The following POLN variants were observed in gnomAD, a reference collection of about 807,000 sequenced individuals.
POLN encodes the protein DNA polymerase N.
In POLN, 108 loss-of-function variants were observed where a neutral mutation model predicts 113.5. The observed-to-expected ratio is 0.95, with a 90% CI of 0.81 to 1.12. POLN has a LOEUF of 1.12. POLN is among the 50% of genes most tolerant of loss of function. The probability of loss-of-function intolerance (pLI) is 0.00; values close to 1 mark genes in which losing one functional copy is unlikely to be tolerated. For missense variants in POLN, 1,097 were observed against 1,077.1 expected (o/e 1.02, Z -0.26); for synonymous variants, 386 against 391.5 (o/e 0.99, Z 0.17).
chr4:2,125,918 G>GTGGAGAGCT (rs1329156725), intron 19 of POLN, among the ~76,000 whole-genome samples: 1 of 152,192 alleles, frequency 6.6e-6, no homozygotes, highest in Non-Finnish European at 1.5e-5. Flanking sequence ...GCATTGAGAG[G>GTGGAGAGCT]TGGAGAGCTT....
chr4:2,090,051 A>G, intron 20 of POLN: 3 of 896,266 alleles, frequency 3.3e-6, no homozygotes, highest in Middle Eastern at 2.9e-4. Flanking sequence ...AAGAATTATG[A>G]GATAATCCAT....
intron 2 of POLN, among the ~76,000 whole-genome samples, chr4:2,237,412 G>A (rs1734805441): frequency 6.6e-6 from 1 of 151,472 alleles, no homozygotes; most frequent in Non-Finnish European, 1.5e-5. Flanking sequence ...CTCCTACCTA[G>A]GCAAGAGAGT....
chr4:2,092,052 G>A (rs1337091429), intron 20 of POLN, among the ~76,000 whole-genome samples: 1 of 152,162 alleles, frequency 6.6e-6, no homozygotes, highest in Non-Finnish European at 1.5e-5. Flanking sequence ...GCCAGCTCCT[G>A]GACTCTCCCA....
intron 16 of POLN, among the ~76,000 whole-genome samples, chr4:2,144,106 C>A (rs1732072661): frequency 6.8e-6 from 1 of 146,374 alleles, no homozygotes; most frequent in Admixed American, 6.8e-5. Context: ...TAAAAAGGGT[C>A]TTCTATAAAA....
intron 19 of POLN, among the ~76,000 whole-genome samples, chr4:2,112,828 C>T (rs1330986129): frequency 2.0e-5 from 3 of 152,074 alleles, no homozygotes; most frequent in Admixed American, 6.6e-5. Context: ...GTCAGTGTGG[C>T]GATTCCTCAG....
At chr4:2,151,450 T>G (rs1732293716) in intron 16 of POLN, among the ~76,000 whole-genome samples, 1 of 152,236 alleles carries the variant, frequency 6.6e-6, no homozygotes, top group Non-Finnish European at 1.5e-5. Context: ...ACTAGCTACT[T>G]GACTCTTTGG....
At chr4:2,089,097 G>T in intron 20 of POLN, 1 of 968,630 alleles carries the variant, frequency 1.0e-6, no homozygotes, top group Non-Finnish European at 1.6e-6. Flanking sequence ...TCTACTATAG[G>T]CTTTGGAAGA....
intron 8 of POLN, chr4:2,177,320 C>T: frequency 2.1e-6 from 1 of 480,648 alleles, no homozygotes; most frequent in South Asian, 1.5e-5. Flanking sequence ...TCTTGCTGTC[C>T]TCCATAGAGG....
chr4:2,179,504 C>T, intron 7 of POLN, 39 bp from the exon 8 acceptor site: 1 of 1,593,188 alleles, frequency 6.3e-7, no homozygotes, highest in Non-Finnish European at 8.6e-7. Context: ...CCAAGAAAAA[C>T]CAATAGTTGT....
Position 2,127,543 on chromosome 4 carries a change from G to A in POLN, c.1982+570C>T, listed in dbSNP as rs1293561612. Among the ~76,000 whole-genome samples the A allele has an allele frequency of 6.6e-6, 1 of 152,170 alleles. No individual in the cohort carries two copies. Among genetic ancestry groups the A allele is most frequent in the Non-Finnish European group, 1.5e-5 (1 of 68,034 alleles). On this transcript the variant is annotated intron_variant, in intron 19 of 25. Transcript: ENST00000511885. This position sits in a 1 kb window ranked among gnomAD's most constrained non-coding sequence, Gnocchi z 4.7. Reference sequence around the variant, plus strand: ...TGCACCCGTCTCTCCATCCTGCTTTGGAGACCGGAGCAGGTATTCCACCAG... The same window carrying A: ...TGCACCCGTCTCTCCATCCTGCTTTAGAGACCGGAGCAGGTATTCCACCAG...
At position 2,154,198 on chromosome 4, in the gene POLN, C is replaced by CAAAA. The variant is rs58879582; in HGVS notation, c.1731+2586_1731+2589dup. The stretch of plus-strand genomic sequence containing the variant: ...GGGCGACAGCGAGACTCCATCTCAA[C>CAAAA]AAAAAAAAAAAAAAAAAAAAAAAAA... On this transcript the variant is annotated intron_variant, in intron 16 of 25. Coordinates refer to ENST00000511885, the MANE Select transcript of POLN (RefSeq NM_181808.4). 1.4e-4 allele frequency among the ~76,000 whole-genome samples: 9 copies of CAAAA among 63,910 alleles called. 1 individual carries two copies. The highest frequency in any genetic ancestry group is 1.6e-4 in the African/African-American group (2 of 12,892). The allele number at this position is 63,910 out of a possible 152,430, so 41.9% of individuals were successfully genotyped here.
At chr4:2,131,506 C>T (rs1731727927) in intron 16 of POLN, among the ~76,000 whole-genome samples, 1 of 152,096 alleles carries the variant, frequency 6.6e-6, no homozygotes, top group African/African-American at 2.4e-5. Flanking sequence ...AGAACAATTC[C>T]TTTTGACTCT....
chr4:2,193,943 G>A (rs1733515599), intron 6 of POLN, among the ~76,000 whole-genome samples: 1 of 152,164 alleles, frequency 6.6e-6, no homozygotes, highest in Non-Finnish European at 1.5e-5. Context: ...AATGTGCCTT[G>A]AACGTTTGTC....
At chr4:2,107,543 G>T (rs1250571180) in intron 19 of POLN, among the ~76,000 whole-genome samples, 1 of 152,176 alleles carries the variant, frequency 6.6e-6, no homozygotes, top group Non-Finnish European at 1.5e-5. Flanking sequence ...GGCATGGATT[G>T]GGGTTGGGGA....
At chr4:2,179,923 G>A (rs1733093293) in intron 7 of POLN, among the ~76,000 whole-genome samples, 2 of 152,134 alleles carry the variant, frequency 1.3e-5, no homozygotes, top group South Asian at 2.1e-4. Flanking sequence ...CAAGCCTCTC[G>A]AGCAAAAGGA....
intron 19 of POLN, among the ~76,000 whole-genome samples, chr4:2,119,152 C>G (rs572445810): frequency 1.3e-5 from 2 of 152,306 alleles, no homozygotes; most frequent in African/African-American, 4.8e-5. Context: ...GAGACAGTCT[C>G]AGAGAAGCAC....
At chr4:2,105,793 CCAGA>C (rs1337444482) in intron 19 of POLN, among the ~76,000 whole-genome samples, 2 of 145,474 alleles carry the variant, frequency 1.4e-5, no homozygotes, top group Non-Finnish European at 1.5e-5. Context: ...GCCCACTCTC[CCAGA>C]CAAATAGTGA....
At chr4:2,178,215 C>CACA (rs1197844479) in intron 8 of POLN, among the ~76,000 whole-genome samples, 1 of 152,108 alleles carries the variant, frequency 6.6e-6, no homozygotes, top group Admixed American at 6.5e-5. Flanking sequence ...AGCATGGGCT[C>CACA]TCATCACCTC....
At chr4:2,102,917 C>T (rs922787678) in intron 19 of POLN, among the ~76,000 whole-genome samples, 3 of 152,102 alleles carry the variant, frequency 2.0e-5, no homozygotes, top group Non-Finnish European at 2.9e-5. Context: ...TTCAGGAACC[C>T]CCACACTCAA....
Sources: allele counts gnomAD v4.1 joint callset (sites outside exome capture counted in the v4.1 genomes callset), GRCh38; gene constraint gnomAD v4.1.1; non-coding constraint Gnocchi (gnomAD v3.1); transcripts MANE v1.5; gene names NCBI Gene and HGNC (gene_info 2026-07-23, HGNC 2026-07-21).